The following ANXA4 variants were observed in gnomAD, a reference collection of about 807,000 sequenced individuals.
ANXA4 encodes the protein 35-beta calcimedin.
ANXA4 carries 39 observed loss-of-function variants against 49.8 expected under a neutral mutation model. The ratio of observed to expected loss-of-function variants is 0.78; its 90% CI spans 0.61 to 1.02. ANXA4 has a LOEUF of 1.02. ANXA4 is among the 50% of genes least tolerant of loss of function. ANXA4 has a pLI of 0.00. For missense variants in ANXA4, 360 were observed against 410.1 expected (o/e 0.88, Z 1.05); for synonymous variants, 134 against 152.5 (o/e 0.88, Z 0.89).
chr2:69,759,513 C>A (rs991471920), intron 1 of ANXA4, among the ~76,000 whole-genome samples: 1 of 152,092 alleles, frequency 6.6e-6, no homozygotes, highest in African/African-American at 2.4e-5. Flanking sequence ...TATTTGTAAG[C>A]GTGGAAAGAT....
chr2:69,654,403 A>G (rs1169763422), intron 2 of ANXA4, among the ~76,000 whole-genome samples: 1 of 152,116 alleles, frequency 6.6e-6, no homozygotes, highest in African/African-American at 2.4e-5. Flanking sequence ...CCCATTCAAT[A>G]TGATATTGGG....
At chr2:69,719,050 C>T (rs1456071417) in intron 2 of ANXA4, among the ~76,000 whole-genome samples, 2 of 151,312 alleles carry the variant, frequency 1.3e-5, no homozygotes, top group African/African-American at 2.4e-5. Context: ...AATCTCGGCT[C>T]ACTGCAACCT....
intron 1 of ANXA4, among the ~76,000 whole-genome samples, chr2:69,645,317 A>G (rs1675965877): frequency 6.6e-6 from 1 of 152,360 alleles, no homozygotes; most frequent in South Asian, 2.1e-4. Flanking sequence ...TCACGAATTC[A>G]TGTAGCCACC....
chr2:69,740,254 A>C (rs975665043), upstream of ANXA4, among the ~76,000 whole-genome samples: 2 of 151,844 alleles, frequency 1.3e-5, no homozygotes, highest in Non-Finnish European at 2.9e-5. Context: ...GTAGCCCAGG[A>C]TAATCTCCCA....
chr2:69,656,982 TATA>T (rs1368157230), intron 2 of ANXA4, among the ~76,000 whole-genome samples: 3 of 151,844 alleles, frequency 2.0e-5, no homozygotes, highest in Non-Finnish European at 4.4e-5. Context: ...TTTTTACTGA[TATA>T]ATCACTATAT....
intron 1 of ANXA4, among the ~76,000 whole-genome samples, chr2:69,765,817 AGAG>A (rs1326931296): frequency 6.6e-6 from 1 of 152,130 alleles, no homozygotes; most frequent in Non-Finnish European, 1.5e-5. Context: ...AAAGAAAGTG[AGAG>A]GAGGAGAGGG....
upstream of ANXA4, among the ~76,000 whole-genome samples, chr2:69,737,919 C>T (rs1670284740): frequency 1.3e-5 from 2 of 151,960 alleles, no homozygotes; most frequent in Non-Finnish European, 1.5e-5. Flanking sequence ...ATTGTGATGA[C>T]CTTCAGCTGC....
intron 1 of ANXA4, among the ~76,000 whole-genome samples, chr2:69,767,327 G>A (rs1485765062): frequency 1.3e-5 from 2 of 152,078 alleles, no homozygotes; most frequent in African/African-American, 2.4e-5. Flanking sequence ...AACCTGTTTC[G>A]ACACTGGATT....
chr2:69,819,255 T>A (rs1558526802), intron 10 of ANXA4, 25 bp from the exon 11 acceptor site: 2 of 1,552,510 alleles, frequency 1.3e-6, no homozygotes, highest in Admixed American at 1.8e-5. Context: ...AATCTTTTCA[T>A]TTCTTCTTTT....
chr2:69,819,293 G>A lies in ANXA4; in HGVS notation c.738G>A (p.Arg246=). 6.2e-7 allele frequency: 1 copy of A among 1,607,004 alleles called. No homozygotes were observed. Among genetic ancestry groups the A allele is most frequent in the Non-Finnish European group, 8.5e-7 (1 of 1,175,920 alleles). ...TTTCTTTGACAGTAAAGTGCATGAG[G>A]AACAAATCTGCATATTTTGCTGAAA... ...DALLAIVKCM[R]NKSAYFAEKL... is the part of the protein sequence containing the mutation. The change falls in exon 11 of 13, where the codon AGG becomes AGA. Residue 246 remains arginine, a synonymous_variant. Coordinates refer to ENST00000394295, the MANE Select transcript of ANXA4 (RefSeq NM_001153.5).
At chr2:69,757,267 T>TATATATATATA (rs1491352039) in intron 1 of ANXA4, among the ~76,000 whole-genome samples, 1 of 20,526 alleles carries the variant, frequency 4.9e-5, no homozygotes, top group African/African-American at 2.6e-4. Context: ...TATATATATA[T>TATATATATATA]TTTTTTTTTT....
chr2:69,671,207 A>T (rs1677171795), intron 2 of ANXA4, among the ~76,000 whole-genome samples: 1 of 152,102 alleles, frequency 6.6e-6, no homozygotes, highest in South Asian at 2.1e-4. Flanking sequence ...CCTTTAAAAA[A>T]TGATAAATTT....
In ANXA4 at chr2:69,682,361, A is replaced by G. The variant is rs575920432; in HGVS notation, n.766+29079A>G. Reference sequence around the variant, plus strand: ...CTTTAAGATATTTTACGTTTCTTCTATGTTGTGGAATCTATTGAGTTTTAC... The same window carrying G: ...CTTTAAGATATTTTACGTTTCTTCTGTGTTGTGGAATCTATTGAGTTTTAC... On this transcript the variant is annotated intron_variant and non_coding_transcript_variant, in intron 2 of 3. Transcript: ENST00000418066. Among the ~76,000 whole-genome samples, 4 of 152,068 alleles carry G rather than the reference A, an allele frequency of 2.6e-5. No homozygotes were observed. The South Asian group carries it at 8.3e-4, about 32-fold the overall frequency.
chr2:69,701,199 A>G (rs976518519), intron 2 of ANXA4, among the ~76,000 whole-genome samples: 46 of 151,980 alleles, frequency 3.0e-4, no homozygotes, highest in African/African-American at 1.1e-3. Flanking sequence ...ACTGTGGCAA[A>G]AGACACCTAA....
At chr2:69,658,704 CT>C (rs528441496) in intron 2 of ANXA4, among the ~76,000 whole-genome samples, 1 of 151,696 alleles carries the variant, frequency 6.6e-6, no homozygotes, top group Non-Finnish European at 1.5e-5. Context: ...CATTTGTTTA[CT>C]TTTTTTTGAG....
At chr2:69,646,583 A>G (rs1206288430) in intron 1 of ANXA4, among the ~76,000 whole-genome samples, 11 of 152,200 alleles carry the variant, frequency 7.2e-5, no homozygotes, top group South Asian at 4.1e-4. Context: ...GCCATTTACT[A>G]TTGTTACAAT....
At chr2:69,696,309 C>T (rs1023201567) in intron 2 of ANXA4, among the ~76,000 whole-genome samples, 2 of 152,194 alleles carry the variant, frequency 1.3e-5, no homozygotes, top group African/African-American at 2.4e-5. Flanking sequence ...TTTCTTTGCT[C>T]ATCCACAGAA....
chr2:69,649,902 G>GT (rs1553425879), intron 1 of ANXA4, among the ~76,000 whole-genome samples: 4 of 138,460 alleles, frequency 2.9e-5, no homozygotes, highest in Non-Finnish European at 6.2e-5. Context: ...GATTAAAGGT[G>GT]TGAGCCACTG....
At chr2:69,768,930 A>G (rs1006005743) in intron 1 of ANXA4, among the ~76,000 whole-genome samples, 1 of 152,170 alleles carries the variant, frequency 6.6e-6, no homozygotes, top group Non-Finnish European at 1.5e-5. Flanking sequence ...TTAAAAAACA[A>G]AAAACAAAAA....
Sources: gnomAD v4.1 joint callset for allele counts (sites outside exome capture counted in the v4.1 genomes callset) on GRCh38, gnomAD v4.1.1 for gene constraint, MANE v1.5 for transcripts, NCBI Gene and HGNC (gene_info 2026-07-23, HGNC 2026-07-21) for gene names.